DAB1: variants seen among roughly 807,000 people sequenced by gnomAD.
DAB1 encodes the protein DAB adaptor protein 1.
Under a neutral mutation model 64.6 loss-of-function variants are expected in DAB1, and 15 were observed. The ratio of observed to expected loss-of-function variants is 0.23; its 90% CI spans 0.16 to 0.36. The LOEUF (loss-of-function observed/expected upper bound fraction) is 0.36, where lower values mean the gene tolerates loss of function less well. Among genes scored for constraint, DAB1 ranks in the 10% least tolerant of loss-of-function variants. DAB1 has a pLI of 1.00. For missense variants in DAB1, 596 were observed against 706.7 expected (o/e 0.84, Z 1.78); for synonymous variants, 235 against 251.9 (o/e 0.93, Z 0.64).
intron 6 of DAB1, among the ~76,000 whole-genome samples, chr1:57,699,414 T>C (rs1646882079): frequency 6.6e-6 from 1 of 152,212 alleles, no homozygotes; most frequent in African/African-American, 2.4e-5. Context: ...CCAGGCTTAC[T>C]TTCACAGGAT....
At chr1:57,567,839 G>A (rs1404317137) in intron 7 of DAB1, among the ~76,000 whole-genome samples, 7 of 152,144 alleles carry the variant, frequency 4.6e-5, no homozygotes, top group Non-Finnish European at 1.0e-4. Context: ...TGGTGAAAAT[G>A]GCCATACTGC....
At chr1:57,293,545 C>T (rs1278372824) in intron 1 of DAB1, among the ~76,000 whole-genome samples, 1 of 152,060 alleles carries the variant, frequency 6.6e-6, no homozygotes, top group Non-Finnish European at 1.5e-5. Context: ...AAATATTAGG[C>T]ACATAAATTC....
chr1:58,447,023 C>CT (rs1304741918), intron 3 of DAB1, among the ~76,000 whole-genome samples: 1 of 152,210 alleles, frequency 6.6e-6, no homozygotes, highest in Non-Finnish European at 1.5e-5. Flanking sequence ...TTTGGACATC[C>CT]TATTAGGATG....
At chr1:57,818,333 C>T (rs547411711) in intron 6 of DAB1, among the ~76,000 whole-genome samples, 2 of 152,324 alleles carry the variant, frequency 1.3e-5, no homozygotes, top group Admixed American at 1.3e-4. Flanking sequence ...AGTCTCACTA[C>T]ACTTCTAACG....
At chr1:58,312,866 C>T (rs61193174) in intron 4 of DAB1, among the ~76,000 whole-genome samples, 7,257 of 152,036 alleles carry the variant, frequency 0.048, 572 homozygotes, top group African/African-American at 0.17. Flanking sequence ...GCAGTACTAC[C>T]TAATGAATAG....
intron 1 of DAB1, among the ~76,000 whole-genome samples, chr1:57,411,913 C>T (rs1684144351): frequency 6.6e-6 from 1 of 152,224 alleles, no homozygotes. Flanking sequence ...TTGCACTTCA[C>T]AGTTATTGCA....
chr1:57,568,515 G>T (rs1645151146), intron 7 of DAB1, among the ~76,000 whole-genome samples: 1 of 152,112 alleles, frequency 6.6e-6, no homozygotes, highest in African/African-American at 2.4e-5. Context: ...GAAAATTTTT[G>T]CAATCTACTC....
At chr1:57,065,203 A>T (rs1331310812) in intron 8 of DAB1, among the ~76,000 whole-genome samples, 1 of 152,200 alleles carries the variant, frequency 6.6e-6, no homozygotes, top group African/African-American at 2.4e-5. Context: ...CAGCTGGGAT[A>T]TCTTCTTGGA....
At chr1:57,305,565 C>T (rs1294639539) in intron 1 of DAB1, among the ~76,000 whole-genome samples, 5 of 152,096 alleles carry the variant, frequency 3.3e-5, no homozygotes, top group Non-Finnish European at 7.3e-5. Context: ...GAAGCCCTCC[C>T]GCTCCAGGAA....
intron 5 of DAB1, chr1:58,048,007 T>C: frequency 1.6e-6 from 1 of 615,730 alleles, no homozygotes; most frequent in Non-Finnish European, 2.9e-6. Flanking sequence ...ACAAATATAG[T>C]CCTCAAGTTT....
intron 2 of DAB1, among the ~76,000 whole-genome samples, chr1:58,510,520 C>T (rs1164247747): frequency 1.3e-5 from 2 of 152,074 alleles, no homozygotes; most frequent in Non-Finnish European, 2.9e-5. Context: ...TAGCATCACA[C>T]TTCATGGTGA....
At chr1:57,754,945 G>A (rs555624321) in intron 6 of DAB1, among the ~76,000 whole-genome samples, 2 of 152,086 alleles carry the variant, frequency 1.3e-5, no homozygotes, top group Non-Finnish European at 2.9e-5. Flanking sequence ...AGTACAGAGT[G>A]ACTCTAGACA....
In DAB1 at chr1:57,229,894, T is replaced by C. The variant is rs551679493; in HGVS notation, c.67+61070A>G. Among the ~76,000 whole-genome samples, 6 of 152,334 alleles carry C rather than the reference T, an allele frequency of 3.9e-5. No individual in the cohort carries two copies. In the East Asian group the frequency reaches 1.2e-3, roughly 29 times the overall value. On this transcript the variant is annotated intron_variant, in intron 2 of 14. Coordinates refer to ENST00000371236, the MANE Select transcript of DAB1 (RefSeq NM_001365792.1). ...CTGTCTGAAATGAGGGTTTCTGACA[T>C]GATTTCCTAAGTCCATCTCCCCAAT...
chr1:57,956,542 G>A (rs1645397898), intron 5 of DAB1, among the ~76,000 whole-genome samples: 2 of 152,132 alleles, frequency 1.3e-5, no homozygotes, highest in African/African-American at 4.8e-5. Flanking sequence ...AGCCTCCTGG[G>A]GCAGGCACAG....
chr1:58,130,938 G>A (rs1653515054), intron 5 of DAB1, among the ~76,000 whole-genome samples: 1 of 148,694 alleles, frequency 6.7e-6, no homozygotes, highest in African/African-American at 2.5e-5. Context: ...TATGTGTCTT[G>A]GAGTTGCTCT....
intron 3 of DAB1, among the ~76,000 whole-genome samples, chr1:58,382,586 C>T (rs6661154): frequency 0.2 from 30,679 of 152,112 alleles, 3,183 homozygotes; most frequent in Middle Eastern, 0.3. Flanking sequence ...GGGAATATTC[C>T]TCAAAATACT....
chr1:57,740,070 C>T (rs1362364338), intron 6 of DAB1, among the ~76,000 whole-genome samples: 2 of 112,326 alleles, frequency 1.8e-5, no homozygotes, highest in Non-Finnish European at 4.1e-5. Context: ...AAAAATTCGC[C>T]AGGCGTGGTC....
intron 5 of DAB1, among the ~76,000 whole-genome samples, chr1:57,889,108 G>A (rs1644269381): frequency 6.6e-6 from 1 of 152,168 alleles, no homozygotes; most frequent in Non-Finnish European, 1.5e-5. Context: ...ACGAGCTTGA[G>A]TTTCCTACTT....
chr1:57,049,099 A>G (rs750206617), intron 9 of DAB1, among the ~76,000 whole-genome samples: 22 of 152,156 alleles, frequency 1.4e-4, no homozygotes, highest in Non-Finnish European at 2.9e-4. Context: ...TCCTGGACTG[A>G]GAACAGAACG....
Sources: gnomAD v4.1 joint callset for allele counts (sites outside exome capture counted in the v4.1 genomes callset) on GRCh38, gnomAD v4.1.1 for gene constraint, MANE v1.5 for transcripts, NCBI Gene and HGNC (gene_info 2026-07-23, HGNC 2026-07-21) for gene names.